SCN2A: variants seen among roughly 807,000 people sequenced by gnomAD.
The protein encoded by SCN2A is sodium voltage-gated channel alpha subunit 2, also known as sodium channel protein type 2 subunit alpha.
SCN2A carries 20 observed loss-of-function variants against 188.7 expected under a neutral mutation model. The observed-to-expected ratio is 0.11, with a 90% CI of 0.07 to 0.15. SCN2A has a LOEUF of 0.15. Ranked by LOEUF, SCN2A falls within the 10% of genes least tolerant of loss-of-function variation. SCN2A has a pLI of 1.00. For missense variants in SCN2A, 1,278 were observed against 2,445.0 expected (o/e 0.52, Z 10.07); for synonymous variants, 804 against 833.1 (o/e 0.97, Z 0.60).
chr2:165,354,619 A>T lies in SCN2A; in HGVS notation c.3347A>T (p.Asn1116Ile). ...GCTGTTGGAGAATCTGACTTTGAAA[A>T]TTTAAATACTGAAGAATTCAGCAGC... ...PIAVGESDFE[N>I]LNTEEFSSES... The change falls in exon 17 of 27, where the codon AAT (asparagine) becomes ATT (isoleucine). Residue 1116 changes from asparagine to isoleucine, a missense_variant. Physicochemically the swap from Asn to Ile is moderately radical, Grantham distance 149. Coordinates refer to ENST00000375437, the MANE Select transcript of SCN2A (RefSeq NM_001040142.2). 6.2e-7 allele frequency: 1 copy of T among 1,614,042 alleles called. No homozygotes were observed. The highest frequency in any genetic ancestry group is 8.5e-7 in the Non-Finnish European group (1 of 1,179,970).
At chr2:165,374,603 A>T in intron 21 of SCN2A, 82 bp from the exon 22 acceptor site, 1 of 1,446,416 alleles carries the variant, frequency 6.9e-7, no homozygotes, top group Non-Finnish European at 9.6e-7. Context: ...TAATCATTTG[A>T]CTGTTCTTTT....
chr2:165,341,794 T>A (rs1305985977), intron 14 of SCN2A, among the ~76,000 whole-genome samples: 1 of 152,202 alleles, frequency 6.6e-6, no homozygotes, highest in African/African-American at 2.4e-5. Flanking sequence ...AGGAAAATAC[T>A]GCTTCCCTTT....
chr2:165,241,680 A>G (rs1003666873), intron 1 of SCN2A, among the ~76,000 whole-genome samples: 1 of 152,228 alleles, frequency 6.6e-6, no homozygotes, highest in Non-Finnish European at 1.5e-5. Flanking sequence ...AGATACCACT[A>G]TATCTCAAAA....
intron 20 of SCN2A, chr2:165,372,528 A>G (rs983054904): frequency 2.6e-5 from 4 of 151,936 alleles, no homozygotes; most frequent in Non-Finnish European, 5.9e-5. Flanking sequence ...ATGTCCCCCG[A>G]CCGTTTTTCT....
At chr2:165,269,657 T>G (rs953255127) in intron 1 of SCN2A, 22 of 152,044 alleles carry the variant, frequency 1.4e-4, no homozygotes, top group Non-Finnish European at 3.1e-4. Flanking sequence ...ATTTATGGAT[T>G]ATTAGACAGA....
intron 2 of SCN2A, chr2:165,296,668 T>G (rs1189038796): frequency 1.1e-5 from 2 of 181,626 alleles, no homozygotes; most frequent in African/African-American, 4.8e-5. Context: ...GAAGTTCTCA[T>G]GAGAAAATTT....
At position 165,353,622 on chromosome 2, in the gene SCN2A, T is replaced by C. The variant is rs141586197; in HGVS notation, c.2920-570T>C. On this transcript the variant is annotated intron_variant, in intron 16 of 26. Transcript: ENST00000375437. ...TGAAGTCTCAAAGAGCTTTCAATCA[T>C]GGCAGAAGGCAAAGTGGAGCAAGCA... Among the ~76,000 whole-genome samples, 349 of 152,276 alleles carry C rather than the reference T, an allele frequency of 2.3e-3. 4 individuals are homozygous for C. Among genetic ancestry groups the C allele is most frequent in the Non-Finnish European group, 3.8e-3 (261 of 68,022 alleles).
intron 14 of SCN2A, among the ~76,000 whole-genome samples, chr2:165,332,754 A>G (rs1370403009): frequency 6.6e-6 from 1 of 151,982 alleles, no homozygotes; most frequent in African/African-American, 2.4e-5. Flanking sequence ...GAGGTAATAT[A>G]TTGTGATCCA....
At chr2:165,316,925 T>A (rs1458917632) in intron 11 of SCN2A, among the ~76,000 whole-genome samples, 1 of 149,558 alleles carries the variant, frequency 6.7e-6, no homozygotes, top group African/African-American at 2.5e-5. Flanking sequence ...GTTGTTGGTA[T>A]TCAAATTTTG....
chr2:165,377,697 T>G, intron 23 of SCN2A, 47 bp downstream of exon 23: 1 of 1,439,692 alleles, frequency 6.9e-7, no homozygotes, highest in South Asian at 1.2e-5. Context: ...AAATGTATAT[T>G]TCTACAATAT....
intron 16 of SCN2A, among the ~76,000 whole-genome samples, chr2:165,348,258 C>T (rs1025256242): frequency 6.6e-6 from 1 of 150,780 alleles, no homozygotes; most frequent in Non-Finnish European, 1.5e-5. Context: ...ACTTGGGAAG[C>T]TGAGGCACGA....
chr2:165,264,234 A>G (rs897461550), intron 1 of SCN2A, among the ~76,000 whole-genome samples: 2 of 152,152 alleles, frequency 1.3e-5, no homozygotes, highest in Non-Finnish European at 2.9e-5. Context: ...ATCCCACAGC[A>G]TATCAAAAAG....
intron 3 of SCN2A, among the ~76,000 whole-genome samples, chr2:165,306,150 T>C (rs1697116352): frequency 6.6e-6 from 1 of 152,188 alleles, no homozygotes; most frequent in Non-Finnish European, 1.5e-5. Flanking sequence ...ATGCTGTCTC[T>C]TCTCTGTAAA....
intron 1 of SCN2A, chr2:165,271,032 A>G (rs1269928711): frequency 6.6e-6 from 1 of 152,058 alleles, no homozygotes; most frequent in Non-Finnish European, 1.5e-5. Context: ...ATGATAAGTA[A>G]AATACTGTGC....
intron 1 of SCN2A, among the ~76,000 whole-genome samples, chr2:165,278,461 T>G (rs1328549653): frequency 6.6e-6 from 1 of 152,046 alleles, no homozygotes; most frequent in African/African-American, 2.4e-5. Flanking sequence ...AATCATCAGA[T>G]TTTGTAAGAA....
intron 1 of SCN2A, among the ~76,000 whole-genome samples, chr2:165,279,430 A>T (rs1187325727): frequency 6.6e-6 from 1 of 152,186 alleles, no homozygotes; most frequent in African/African-American, 2.4e-5. Context: ...TCAAAAAGGT[A>T]TAAAGGATGG....
intron 17 of SCN2A, among the ~76,000 whole-genome samples, chr2:165,364,794 A>C (rs1700638766): frequency 6.6e-6 from 1 of 152,168 alleles, no homozygotes. Context: ...AACTATTTGA[A>C]AACCATTTGC....
intron 12 of SCN2A, 67 bp from the exon 13 acceptor site, chr2:165,326,785 G>A: frequency 5.1e-6 from 8 of 1,564,198 alleles, no homozygotes; most frequent in Non-Finnish European, 6.2e-6. Flanking sequence ...AACACCTGTT[G>A]TAGGAATGCT....
At chr2:165,294,040 A>AAAAATTTT in intron 1 of SCN2A, 1 of 629,756 alleles carries the variant, frequency 1.6e-6, no homozygotes, top group Non-Finnish European at 1.9e-6. Context: ...AAAAAAAAAG[A>AAAAATTTT]TTTTTTTTTT....
Sources: gnomAD v4.1 joint callset for allele counts (sites outside exome capture counted in the v4.1 genomes callset) on GRCh38, gnomAD v4.1.1 for gene constraint, MANE v1.5 for transcripts, NCBI Gene and HGNC (gene_info 2026-07-23, HGNC 2026-07-21) for gene names.